The following FGD3 variants were observed in gnomAD, a reference collection of about 807,000 sequenced individuals.
FGD3 encodes the protein FYVE, RhoGEF and PH domain containing 3.
A neutral mutation model predicts 71.8 loss-of-function variants in FGD3; 45 were observed. The observed-to-expected ratio is 0.63, with a 90% CI of 0.49 to 0.80. The LOEUF is 0.80. Ranked by LOEUF, FGD3 falls within the 30% of genes least tolerant of loss-of-function variation. The pLI is 0.00. For synonymous variants in FGD3, 378 were observed against 392.8 expected, an observed-to-expected ratio of 0.96 and a Z score of 0.44; for missense variants, 844 against 951.5, an observed-to-expected ratio of 0.89 and a Z score of 1.49.
At chr9:93,033,674 A>C in intron 16 of FGD3, 1 of 152,420 alleles carries the variant, frequency 6.6e-6, no homozygotes, top group Non-Finnish European at 1.5e-5. Flanking sequence ...CTTTCTCTCC[A>C]CTCGACACAG....
At chr9:93,024,418 C>T (rs1329810104) in intron 14 of FGD3, among the ~76,000 whole-genome samples, 1 of 152,224 alleles carries the variant, frequency 6.6e-6, no homozygotes, top group African/African-American at 2.4e-5. Flanking sequence ...CAGAGCACTG[C>T]CTCCCACACA....
At chr9:92,982,590 G>A (rs1860038124) in intron 3 of FGD3, among the ~76,000 whole-genome samples, 1 of 149,154 alleles carries the variant, frequency 6.7e-6, no homozygotes, top group South Asian at 2.1e-4. Flanking sequence ...TGGAGACAGA[G>A]TCTTGCTCTG....
chr9:93,029,829 C>T, intron 14 of FGD3, 45 bp from the exon 15 acceptor site: 2 of 1,596,708 alleles, frequency 1.3e-6, no homozygotes, highest in East Asian at 2.3e-5. Flanking sequence ...GGGTAGGGTG[C>T]ACACATGATT....
chr9:92,951,915 G>A (rs2118494205), intron 1 of FGD3, among the ~76,000 whole-genome samples: 1 of 152,286 alleles, frequency 6.6e-6, no homozygotes, highest in East Asian at 1.9e-4. Context: ...GGATGCCTCT[G>A]TCCCCCAGCT....
At chr9:92,955,456 G>C (rs149174508) in intron 1 of FGD3, among the ~76,000 whole-genome samples, 66 of 152,202 alleles carry the variant, frequency 4.3e-4, no homozygotes, top group African/African-American at 1.5e-3. Flanking sequence ...TGGGCAAAGA[G>C]AGCAAAACTC....
At chr9:92,996,783 G>A (rs10992570) in intron 3 of FGD3, among the ~76,000 whole-genome samples, 21,512 of 152,088 alleles carry the variant, frequency 0.14, 1,887 homozygotes, top group African/African-American at 0.24. Flanking sequence ...GTAGTTGAGC[G>A]GTTTTGAGTG....
At chr9:93,032,511 C>T (rs113485444) in intron 15 of FGD3, 11 of 451,176 alleles carry the variant, frequency 2.4e-5, no homozygotes, top group African/African-American at 1.9e-4. Flanking sequence ...ACTCTTCCTC[C>T]CACGCACACA....
In FGD3 at chr9:92,976,581, G is replaced by A. The variant is rs1279325630; in HGVS notation, c.325G>A (p.Ala109Thr). 13 of 1,612,562 alleles carry A rather than the reference G, an allele frequency of 8.1e-6. No individual in the cohort carries two copies. Among genetic ancestry groups the A allele is most frequent in the African/African-American group, 2.7e-5 (2 of 74,904 alleles). Residue 109 changes from alanine to threonine, a missense_variant, in exon 3 of 18, where the codon GCA becomes ACA. By Grantham distance (58) the Ala-to-Thr change is moderately conservative. Transcript: ENST00000375482. Reference protein sequence around the residue: ...GPSPTVLGAHAEMALDSQVPK... With the variant: ...GPSPTVLGAHTEMALDSQVPK... ...AAGCCCCACTGTACTGGGGGCGCACGCAGAGATGGCCCTGGACAGCCAGGT... is the reference window on the plus strand; with the variant it reads ...AAGCCCCACTGTACTGGGGGCGCACACAGAGATGGCCCTGGACAGCCAGGT...
intron 14 of FGD3, 63 bp from the exon 15 acceptor site, chr9:93,029,811 G>C (rs1862285219): frequency 6.4e-7 from 1 of 1,572,836 alleles, no homozygotes; most frequent in East Asian, 2.3e-5. Flanking sequence ...CCACTCCACT[G>C]CCGTGTGGGG....
intron 16 of FGD3, 92 bp downstream of exon 16, chr9:93,032,965 C>T (rs143945511): frequency 2.5e-6 from 3 of 1,221,504 alleles, no homozygotes; most frequent in Non-Finnish European, 3.6e-6. Flanking sequence ...GCTGCCTCTG[C>T]TTTCGGAGTG....
intron 3 of FGD3, among the ~76,000 whole-genome samples, chr9:92,999,046 G>T (rs1339318813): frequency 6.6e-6 from 1 of 152,206 alleles, no homozygotes. Flanking sequence ...GCTGCCTTTT[G>T]TTCAGCTATG....
chr9:92,965,374 C>T (rs527669367), intron 1 of FGD3, among the ~76,000 whole-genome samples: 1 of 152,340 alleles, frequency 6.6e-6, no homozygotes, highest in South Asian at 2.1e-4. Context: ...CCTGGGCCCC[C>T]CAGCCTGCAA....
intron 14 of FGD3, among the ~76,000 whole-genome samples, chr9:93,024,197 T>G (rs1862037153): frequency 6.6e-6 from 1 of 152,164 alleles, no homozygotes; most frequent in South Asian, 2.1e-4. Flanking sequence ...CTGGAGCATT[T>G]AGGAAAGTTA....
At chr9:93,028,477 GTCT>G (rs146796352) in intron 14 of FGD3, among the ~76,000 whole-genome samples, 3,630 of 152,172 alleles carry the variant, frequency 0.024, 138 homozygotes, top group African/African-American at 0.08. Context: ...TTTTCCTAAA[GTCT>G]TCTTAACAGT....
Position 93,015,778 on chromosome 9 carries a change from C to T in FGD3, c.1224C>T (p.Leu408=), listed in dbSNP as rs753045255. Residue 408 remains leucine (L), a synonymous_variant, in exon 10 of 18, where the codon CTC becomes CTT. Transcript: ENST00000375482. ...MILYCVPKLR[L]MGQKFSVREK... ...TTTACTGTGTGCCCAAGCTGCGGCT[C>T]ATGGGCCAGAAGTTCAGCGTCCGGG... The T allele has an allele frequency of 1.2e-6, 2 of 1,614,110 alleles. No individual in the cohort carries two copies. Among genetic ancestry groups the T allele is most frequent in the African/African-American group, 1.3e-5 (1 of 74,940 alleles).
At chr9:92,985,467 TTTTG>T (rs751235439) in intron 3 of FGD3, among the ~76,000 whole-genome samples, 14 of 152,184 alleles carry the variant, frequency 9.2e-5, no homozygotes, top group South Asian at 6.2e-4. Context: ...GTTTTTCTAT[TTTTG>T]TTTGTTTGTT....
chr9:93,031,339 T>A (rs994146962), intron 15 of FGD3, among the ~76,000 whole-genome samples: 2 of 152,156 alleles, frequency 1.3e-5, no homozygotes, highest in African/African-American at 2.4e-5. Context: ...CTTCAGGCTT[T>A]GTGACTACTC....
intron 13 of FGD3, among the ~76,000 whole-genome samples, chr9:93,021,457 T>C (rs1306464051): frequency 6.6e-6 from 1 of 152,138 alleles, no homozygotes; most frequent in Non-Finnish European, 1.5e-5. Context: ...GGCCGATCTC[T>C]GCCCGCTGCG....
At chr9:92,997,092 AT>A (rs933706120) in intron 3 of FGD3, among the ~76,000 whole-genome samples, 4 of 152,082 alleles carry the variant, frequency 2.6e-5, no homozygotes, top group Admixed American at 6.6e-5. Context: ...GTCTCCCATT[AT>A]TTTTGTGTGG....
Sources: allele counts gnomAD v4.1 joint callset (sites outside exome capture counted in the v4.1 genomes callset), GRCh38; gene constraint gnomAD v4.1.1; transcripts MANE v1.5; gene names NCBI Gene and HGNC (gene_info 2026-07-23, HGNC 2026-07-21).